TAFA2: variants seen among roughly 807,000 people sequenced by gnomAD.
TAFA2 encodes the protein TAFA chemokine like family member 2.
Under a neutral mutation model 18.8 loss-of-function variants are expected in TAFA2, and 7 were observed. The ratio of observed to expected loss-of-function variants is 0.37; its 90% CI spans 0.21 to 0.70. The LOEUF (loss-of-function observed/expected upper bound fraction) is 0.70, where lower values mean the gene tolerates loss of function less well. Among genes scored for constraint, TAFA2 ranks in the 30% least tolerant of loss-of-function variants. The pLI, the probability that TAFA2 is intolerant of heterozygous loss-of-function variation, is 0.53. For synonymous variants in TAFA2, 60 were observed against 54.2 expected (o/e 1.11, Z -0.47); for missense variants, 122 against 158.1 (o/e 0.77, Z 1.23).
intron 1 of TAFA2, among the ~76,000 whole-genome samples, chr12:62,237,268 G>T (rs1459007342): frequency 6.6e-6 from 1 of 152,230 alleles, no homozygotes; most frequent in Non-Finnish European, 1.5e-5. Context: ...AGCACTTTGG[G>T]AGGCCGAGGC....
rs3031098 is a variant in TAFA2, at chr12:61,975,514, C to CGTGT, written c.-1-108092_-1-108089dup. Among the ~76,000 whole-genome samples the CGTGT allele has an allele frequency of 2.0e-3, 276 of 136,644 alleles. 3 individuals carry two copies. Among genetic ancestry groups the CGTGT allele is most frequent in the Admixed American group, 7.4e-3 (99 of 13,392 alleles). 89.6% of individuals were successfully genotyped at this position (136,644 alleles called of 152,430 possible). On this transcript the variant is annotated intron_variant, in intron 1 of 4. Coordinates refer to ENST00000416284, the MANE Select transcript of TAFA2 (RefSeq NM_178539.5). ...CTCCTTTTTAAGGCTCAATAATATT[C>CGTGT]GTGTGTGTGTGTGTGTGTGTGTGTG...
At position 62,167,167 on chromosome 12, in the gene TAFA2, TA is replaced by T. The variant is rs1223736144; in HGVS notation, c.-2+24091del. Reference sequence around the variant, plus strand: ...TATGTATTTATGTATATATTTTTCTTAAATTATAAACCAAAATTTCTAAAGT... The same window carrying T: ...TATGTATTTATGTATATATTTTTCTTAATTATAAACCAAAATTTCTAAAGT... On this transcript the variant is annotated intron_variant, in intron 1 of 4. Coordinates refer to ENST00000416284, the MANE Select transcript of TAFA2 (RefSeq NM_178539.5). 1.1e-4 allele frequency among the ~76,000 whole-genome samples: 17 copies of T among 152,272 alleles called. No homozygotes were observed. In the East Asian group the frequency reaches 3.3e-3, roughly 29 times the overall value.
chr12:62,257,164 G>GTGTGTGTATATGTATATATACACAA (rs149997134), intron 1 of TAFA2, among the ~76,000 whole-genome samples: 24,184 of 85,302 alleles, frequency 0.28, 2,946 homozygotes, highest in Middle Eastern at 0.31. Flanking sequence ...ACATATATAT[G>GTGTGTGTATATGTATATATACACAA]TGTGTGTGTG....
At chr12:62,130,585 T>C (rs1343304860) in intron 1 of TAFA2, among the ~76,000 whole-genome samples, 1 of 151,988 alleles carries the variant, frequency 6.6e-6, no homozygotes, top group Non-Finnish European at 1.5e-5. Flanking sequence ...TCACATGTGT[T>C]CCTCTTTTCG....
chr12:62,091,178 T>C (rs558634661), intron 1 of TAFA2, among the ~76,000 whole-genome samples: 45 of 152,106 alleles, frequency 3.0e-4, no homozygotes, highest in Non-Finnish European at 5.9e-4. Flanking sequence ...TTCATCTAAG[T>C]AGTTGTCTGC....
chr12:61,771,126 C>T (rs987282631), intron 2 of TAFA2, among the ~76,000 whole-genome samples: 4 of 151,892 alleles, frequency 2.6e-5, no homozygotes, highest in African/African-American at 9.7e-5. Context: ...GACTGTAAAT[C>T]AACAAATGTT....
intron 4 of TAFA2, among the ~76,000 whole-genome samples, chr12:61,737,968 A>G (rs536697426): frequency 3.1e-4 from 47 of 152,154 alleles, no homozygotes; most frequent in African/African-American, 1.1e-3. Context: ...ATCTCCTAAG[A>G]GCAAAAACTT....
chr12:61,931,954 T>C (rs1283493785), intron 1 of TAFA2, among the ~76,000 whole-genome samples: 1 of 152,180 alleles, frequency 6.6e-6, no homozygotes, highest in Non-Finnish European at 1.5e-5. Flanking sequence ...TTTTTATCCC[T>C]TACAAATTTT....
In TAFA2 at chr12:61,802,722, A is replaced by G. The variant is rs146954631; in HGVS notation, c.107-47698T>C. ...ACAATAAGCTATTGTACATTTTCAA[A>G]TAGCTAGAAGAGAGGATTTTGAATG... On this transcript the variant is annotated intron_variant, in intron 2 of 4. Coordinates refer to ENST00000416284, the MANE Select transcript of TAFA2 (RefSeq NM_178539.5). Among the ~76,000 whole-genome samples, 72 of 152,214 alleles carry G rather than the reference A, an allele frequency of 4.7e-4. 1 individual carries two copies. The East Asian group carries it at 0.012, about 26-fold the overall frequency.
At chr12:61,831,920 G>A (rs1294146906) in intron 2 of TAFA2, among the ~76,000 whole-genome samples, 7 of 151,926 alleles carry the variant, frequency 4.6e-5, no homozygotes, top group East Asian at 3.9e-4. Flanking sequence ...GAAATATTCC[G>A]TTCTAAATCT....
chr12:61,872,530 T>C (rs939529067), intron 1 of TAFA2, among the ~76,000 whole-genome samples: 9 of 152,114 alleles, frequency 5.9e-5, no homozygotes, highest in African/African-American at 2.2e-4. Context: ...ACTGGCCTTA[T>C]ACCTTGCTTA....
intron 2 of TAFA2, among the ~76,000 whole-genome samples, chr12:61,794,968 C>A (rs1278048112): frequency 3.3e-5 from 5 of 152,240 alleles, no homozygotes; most frequent in Admixed American, 3.3e-4. Context: ...AGCCAACAGA[C>A]ACATGAAAAA....
At chr12:61,728,032 G>T (rs370254781) in intron 4 of TAFA2, among the ~76,000 whole-genome samples, 167 of 128,316 alleles carry the variant, frequency 1.3e-3, no homozygotes, top group Middle Eastern at 4.3e-3. Flanking sequence ...TTTGAGGGTT[G>T]TTTTTTTTTT....
intron 1 of TAFA2, among the ~76,000 whole-genome samples, chr12:62,011,386 A>T (rs1174774927): frequency 6.6e-6 from 1 of 152,186 alleles, no homozygotes; most frequent in East Asian, 1.9e-4. Flanking sequence ...TAGGAGACAC[A>T]ATTTTGTTCT....
intron 2 of TAFA2, among the ~76,000 whole-genome samples, chr12:61,851,490 G>A (rs1873644028): frequency 6.6e-6 from 1 of 151,992 alleles, no homozygotes; most frequent in Non-Finnish European, 1.5e-5. Flanking sequence ...AAATTTAAGA[G>A]TTCTGGCCGG....
intron 1 of TAFA2, among the ~76,000 whole-genome samples, chr12:61,966,477 T>A (rs909672785): frequency 8.6e-5 from 13 of 151,988 alleles, no homozygotes; most frequent in African/African-American, 3.1e-4. Flanking sequence ...CTCTTAATAC[T>A]ACCACATTGA....
At chr12:61,788,973 C>T (rs572300139) in intron 2 of TAFA2, among the ~76,000 whole-genome samples, 14 of 151,840 alleles carry the variant, frequency 9.2e-5, no homozygotes, top group Admixed American at 5.3e-4. Flanking sequence ...CGTTTATCTT[C>T]GCCCACATTT....
chr12:62,122,096 G>C (rs1870223192), intron 1 of TAFA2, among the ~76,000 whole-genome samples: 2 of 152,156 alleles, frequency 1.3e-5, no homozygotes, highest in Non-Finnish European at 2.9e-5. Flanking sequence ...GGAGGGAGAG[G>C]ATCAGGAAAA....
chr12:61,880,488 C>A lies in TAFA2; in HGVS notation c.-1-13062G>T, dbSNP rs1297372038. ...AAGCTGGCCCTGGACATCAAGACTG[C>A]CACCTACAAGAAGCTGCTGGAGGGT... On this transcript the variant is annotated intron_variant, in intron 1 of 4. Coordinates refer to ENST00000416284, the MANE Select transcript of TAFA2 (RefSeq NM_178539.5). 4 of 533,530 alleles carry A rather than the reference C, an allele frequency of 7.5e-6. No homozygotes were observed. The African/African-American group carries it at 7.7e-5, about 10-fold the overall frequency. 33.0% of individuals were successfully genotyped at this position (533,530 alleles called of 1,614,324 possible).
Sources: gnomAD v4.1 joint callset for allele counts (sites outside exome capture counted in the v4.1 genomes callset) on GRCh38, gnomAD v4.1.1 for gene constraint, MANE v1.5 for transcripts, NCBI Gene and HGNC (gene_info 2026-07-23, HGNC 2026-07-21) for gene names.